The following UGGT2 variants were observed in gnomAD, a reference collection of about 807,000 sequenced individuals.
UGGT2 encodes UDP-glucose:glycoprotein glucosyltransferase 2.
In UGGT2, 180 loss-of-function variants were observed where a neutral mutation model predicts 192.1. The observed-to-expected ratio is 0.94, with a 90% CI of 0.83 to 1.06. UGGT2 has a LOEUF of 1.06. Ranked by LOEUF, UGGT2 falls within the 50% of genes least tolerant of loss-of-function variation. The probability of loss-of-function intolerance (pLI) is 0.00; values close to 1 mark genes in which losing one functional copy is unlikely to be tolerated. For synonymous variants in UGGT2, 580 were observed against 591.0 expected (o/e 0.98, Z 0.27); for missense variants, 1,849 against 1,795.7 (o/e 1.03, Z -0.54).
chr13:95,854,904 A>G (rs1316719388), intron 34 of UGGT2, among the ~76,000 whole-genome samples: 1 of 152,048 alleles, frequency 6.6e-6, no homozygotes, highest in African/African-American at 2.4e-5. Flanking sequence ...AAATCTCCCA[A>G]TTATTCTAAA....
At chr13:95,881,135 G>A (rs549412747) in intron 27 of UGGT2, among the ~76,000 whole-genome samples, 315 of 152,210 alleles carry the variant, frequency 2.1e-3, no homozygotes, top group African/African-American at 7.0e-3. Context: ...AGCTGGCAAT[G>A]AGCCGAGATC....
intron 34 of UGGT2, 40 bp downstream of exon 34, chr13:95,856,118 A>C: frequency 6.7e-7 from 1 of 1,499,106 alleles, no homozygotes; most frequent in Non-Finnish European, 9.1e-7. Flanking sequence ...AGTGTAAAAA[A>C]TGTTTGCGTA....
intron 29 of UGGT2, among the ~76,000 whole-genome samples, chr13:95,868,077 A>C (rs541508876): frequency 5.3e-5 from 8 of 152,324 alleles, no homozygotes; most frequent in East Asian, 1.9e-4. Context: ...ATTTACAATA[A>C]AGTTGAATTT....
intron 22 of UGGT2, among the ~76,000 whole-genome samples, chr13:95,899,676 G>C (rs1317752613): frequency 6.6e-6 from 1 of 151,916 alleles, no homozygotes; most frequent in East Asian, 1.9e-4. Flanking sequence ...CCCTTAAAAT[G>C]CTTGACATGG....
intron 5 of UGGT2, among the ~76,000 whole-genome samples, chr13:96,003,021 G>A (rs1392722614): frequency 3.9e-5 from 6 of 152,066 alleles, no homozygotes; most frequent in East Asian, 3.9e-4. Flanking sequence ...CCTTAGCTGC[G>A]GTGCAACATG....
At chr13:95,894,714 G>A (rs2140252350) in intron 23 of UGGT2, 57 bp from the exon 24 acceptor site, 1 of 1,399,574 alleles carries the variant, frequency 7.1e-7, no homozygotes, top group Non-Finnish European at 1.0e-6. Flanking sequence ...CATATTTCAT[G>A]TTACAATTAA....
At chr13:95,912,140 G>T (rs1170988956) in intron 20 of UGGT2, among the ~76,000 whole-genome samples, 1 of 152,076 alleles carries the variant, frequency 6.6e-6, no homozygotes, top group Non-Finnish European at 1.5e-5. Context: ...ATACTGAATG[G>T]GCAAAAACTG....
intron 20 of UGGT2, among the ~76,000 whole-genome samples, chr13:95,905,851 T>C (rs1284639666): frequency 7.9e-5 from 12 of 152,216 alleles, no homozygotes; most frequent in African/African-American, 1.7e-4. Flanking sequence ...TTGCCTTTTA[T>C]GTTTAGCTCT....
intron 1 of UGGT2, among the ~76,000 whole-genome samples, chr13:96,045,057 C>T (rs1475562852): frequency 6.6e-6 from 1 of 152,040 alleles, no homozygotes; most frequent in African/African-American, 2.4e-5. Context: ...AAACTACATA[C>T]CAATATCCCT....
chr13:95,843,403 G>A (rs1345658920), intron 36 of UGGT2, among the ~76,000 whole-genome samples: 1 of 152,126 alleles, frequency 6.6e-6, no homozygotes, highest in Non-Finnish European at 1.5e-5. Context: ...ATTGACACTT[G>A]ATCATCTTTG....
At chr13:95,814,470 T>A (rs1404298248) in intron 38 of UGGT2, among the ~76,000 whole-genome samples, 1 of 152,240 alleles carries the variant, frequency 6.6e-6, no homozygotes, top group Non-Finnish European at 1.5e-5. Flanking sequence ...GCCCCTTTCT[T>A]TTGGCCAATT....
rs979989691 is a variant in UGGT2, at chr13:96,009,194, A to C, written c.660+4113T>G. Among the ~76,000 whole-genome samples the C allele has an allele frequency of 1.2e-4, 19 of 152,256 alleles. 1 individual carries two copies. The highest frequency in any genetic ancestry group is 4.3e-4 in the African/African-American group (18 of 41,562). Reference sequence around the variant, plus strand: ...TATGCCATATAAAAAATCAACTCAAAATGGATTAAAGCCTTAAATGTGAAG... The same window carrying C: ...TATGCCATATAAAAAATCAACTCAACATGGATTAAAGCCTTAAATGTGAAG... On this transcript the variant is annotated intron_variant, in intron 5 of 38. Coordinates refer to ENST00000376747, the MANE Select transcript of UGGT2 (RefSeq NM_020121.4).
intron 38 of UGGT2, chr13:95,809,477 T>A: frequency 2.8e-6 from 1 of 356,542 alleles, no homozygotes. Context: ...TCTGGAGATT[T>A]ACCCTTTTCT....
chr13:95,996,168 A>G (rs2051612596), intron 6 of UGGT2, 33 bp from the exon 7 acceptor site: 2 of 1,567,466 alleles, frequency 1.3e-6, no homozygotes, highest in African/African-American at 1.4e-5. Context: ...AAAAACAACA[A>G]AAATATTTTC....
At chr13:95,929,439 T>A (rs2049165607) in intron 17 of UGGT2, among the ~76,000 whole-genome samples, 1 of 152,176 alleles carries the variant, frequency 6.6e-6, no homozygotes, top group South Asian at 2.1e-4. Context: ...AACCCTTCCC[T>A]GACTTTTTCC....
At chr13:95,830,303 T>C (rs1886518376) in intron 38 of UGGT2, among the ~76,000 whole-genome samples, 1 of 152,044 alleles carries the variant, frequency 6.6e-6, no homozygotes, top group Non-Finnish European at 1.5e-5. Flanking sequence ...ACTAAAGCGC[T>C]TCTGCACAGC....
chr13:95,930,132 T>G (rs750665497), intron 17 of UGGT2, among the ~76,000 whole-genome samples: 3 of 152,048 alleles, frequency 2.0e-5, no homozygotes, highest in Non-Finnish European at 4.4e-5. Context: ...ATGGGGTTAT[T>G]TATTCTTTGC....
chr13:96,053,222 C>T lies in UGGT2; in HGVS notation c.91G>A (p.Ala31Thr), dbSNP rs1202669673. The change falls in exon 1 of 39, where the codon GCG (alanine) becomes ACG (threonine). Residue 31 changes from alanine to threonine, a missense_variant. Coordinates refer to ENST00000376747, the MANE Select transcript of UGGT2 (RefSeq NM_020121.4). ...AAGTGGGCAGTCACCGACTTGGACGCGGCGACCGTCCCGGAGCCGAGCTGC... is the reference window on the plus strand; with the variant it reads ...AAGTGGGCAGTCACCGACTTGGACGTGGCGACCGTCCCGGAGCCGAGCTGC... ...LSQLGSGTVA[A>T]SKSVTAHLAA... is the part of the protein sequence containing the mutation. The T allele has an allele frequency of 1.9e-6, 3 of 1,538,852 alleles. No homozygotes were observed. The highest frequency in any genetic ancestry group is 2.6e-6 in the Non-Finnish European group (3 of 1,149,450).
intron 9 of UGGT2, chr13:95,985,360 C>G: frequency 9.5e-7 from 1 of 1,056,806 alleles, no homozygotes; most frequent in Non-Finnish European, 1.3e-6. Flanking sequence ...AAACAAACTC[C>G]TTTATTTCAA....
Sources: allele counts gnomAD v4.1 joint callset (sites outside exome capture counted in the v4.1 genomes callset), GRCh38; gene constraint gnomAD v4.1.1; transcripts MANE v1.5; gene names NCBI Gene and HGNC (gene_info 2026-07-23, HGNC 2026-07-21).